The following ROBO1 variants were observed in gnomAD, a reference collection of about 807,000 sequenced individuals.
ROBO1 encodes roundabout homolog 1.
ROBO1 carries 149 observed loss-of-function variants against 195.9 expected under a neutral mutation model. The ratio of observed to expected loss-of-function variants is 0.76; its 90% CI spans 0.67 to 0.87. The LOEUF (loss-of-function observed/expected upper bound fraction) is 0.87. ROBO1 is among the 40% of genes least tolerant of loss of function. ROBO1 has a pLI of 0.00. For synonymous variants in ROBO1, 816 were observed against 733.2 expected (o/e 1.11, Z -1.82); for missense variants, 1,933 against 2,068.3 (o/e 0.93, Z 1.27).
intron 3 of ROBO1, among the ~76,000 whole-genome samples, chr3:79,072,792 C>T (rs1247918713): frequency 1.3e-5 from 2 of 151,836 alleles, no homozygotes; most frequent in East Asian, 1.9e-4. Flanking sequence ...TTATATTGCT[C>T]ATCTTGTATT....
intron 4 of ROBO1, among the ~76,000 whole-genome samples, chr3:78,904,889 T>A (rs2037810773): frequency 6.6e-6 from 1 of 151,986 alleles, no homozygotes. Flanking sequence ...CAGTTCATTT[T>A]CTCAATTGTT....
In ROBO1 at chr3:79,125,506, C is replaced by T. The variant is rs781501841; in HGVS notation, c.122G>A (p.Gly41Glu). 6.2e-7 allele frequency: 1 copy of T among 1,613,626 alleles called. No individual in the cohort carries two copies. The highest frequency in any genetic ancestry group is 8.5e-7 in the Non-Finnish European group (1 of 1,179,752). The change falls in exon 3 of 31, where the codon GGG (glycine) becomes GAG (glutamate). Residue 41 changes from glycine (G) to glutamate (E), a missense_variant. Around this residue, in one of 3 missense-constraint regions of ROBO1, gnomAD observed 185 missense variants for 159.5 expected, o/e 1.16. Coordinates refer to ENST00000464233, the MANE Select transcript of ROBO1 (RefSeq NM_002941.4). ...PEDVERGNDH[G>E]TPIPTSDNDD... is the part of the protein sequence containing the mutation. ...GTTATCAGAGGTGGGGATTGGCGTC[C>T]CGTGGTCGTTCCCCCTCTCTACATC...
At chr3:78,749,838 T>C (rs890342309) in intron 4 of ROBO1, among the ~76,000 whole-genome samples, 1 of 152,194 alleles carries the variant, frequency 6.6e-6, no homozygotes, top group African/African-American at 2.4e-5. Flanking sequence ...AACCAAAGTA[T>C]ATATACTTTT....
chr3:79,044,610 A>G (rs1439323755), intron 3 of ROBO1, among the ~76,000 whole-genome samples: 2 of 152,172 alleles, frequency 1.3e-5, no homozygotes, highest in Admixed American at 1.3e-4. Flanking sequence ...GGGGCCTTAC[A>G]TTATTGCCTT....
intron 2 of ROBO1, among the ~76,000 whole-genome samples, chr3:79,480,897 G>C (rs2107377550): frequency 6.6e-6 from 1 of 152,188 alleles, no homozygotes; most frequent in African/African-American, 2.4e-5. Context: ...CTATACACAT[G>C]CTATTCTAGG....
At chr3:79,320,359 C>T (rs373847137) in intron 2 of ROBO1, among the ~76,000 whole-genome samples, 46 of 152,274 alleles carry the variant, frequency 3.0e-4, no homozygotes, top group Admixed American at 4.6e-4. Context: ...TTCAGGGTCT[C>T]ATTCTGTCAC....
At chr3:79,008,888 C>CGTGTGTGTGTGTGTGTGTGTGTGT (rs375134341) in intron 3 of ROBO1, among the ~76,000 whole-genome samples, 2 of 121,230 alleles carry the variant, frequency 1.6e-5, no homozygotes, top group African/African-American at 6.4e-5. Flanking sequence ...TGCACCCAGC[C>CGTGTGTGTGTGTGTGTGTGTGTGT]GTGTGTGTGT....
At chr3:78,719,372 G>A (rs2108090865) in intron 5 of ROBO1, among the ~76,000 whole-genome samples, 1 of 151,946 alleles carries the variant, frequency 6.6e-6, no homozygotes, top group African/African-American at 2.4e-5. Context: ...TTTTCAAATA[G>A]AGAAATATAA....
Position 79,511,773 on chromosome 3 carries a change from A to G in ROBO1, c.88+78051T>C, listed in dbSNP as rs143712621. Among the ~76,000 whole-genome samples the G allele has an allele frequency of 9.1e-3, 1,390 of 152,192 alleles. 17 individuals carry two copies. Among genetic ancestry groups the G allele is most frequent in the African/African-American group, 0.031 (1,297 of 41,532 alleles). On this transcript the variant is annotated intron_variant, in intron 2 of 30. Coordinates refer to ENST00000464233, the MANE Select transcript of ROBO1 (RefSeq NM_002941.4). ...GAACAAGATCATGTCTTTTTCAGGG[A>G]CATGGATGGAGCTGGAGGCCATTAT... is the stretch of plus-strand genomic sequence containing the variant.
At position 78,946,242 on chromosome 3, in the gene ROBO1, G is replaced by A. The variant is rs2040435908; in HGVS notation, c.173-7315C>T. 1.3e-5 allele frequency among the ~76,000 whole-genome samples: 2 copies of A among 152,142 alleles called. 1 individual carries two copies. The highest frequency in any genetic ancestry group is 4.1e-4 in the South Asian group (2 of 4,832). On this transcript the variant is annotated intron_variant, in intron 3 of 30. Transcript: ENST00000464233. ...TTGTCAGATTCACCAAAGTTGAAAT[G>A]AAGGAAAAAATGTTAAGGGCAGCCA...
At chr3:79,477,216 C>T (rs925723055) in intron 2 of ROBO1, among the ~76,000 whole-genome samples, 27 of 152,214 alleles carry the variant, frequency 1.8e-4, no homozygotes, top group African/African-American at 6.0e-4. Flanking sequence ...ATAGGCATAT[C>T]ATTATTTTTA....
At chr3:78,657,338 T>C in intron 17 of ROBO1, 69 bp from the exon 18 acceptor site, 1 of 1,538,322 alleles carries the variant, frequency 6.5e-7, no homozygotes, top group African/African-American at 1.4e-5. Flanking sequence ...CAACACAGGG[T>C]TGCAGTTTTA....
intron 2 of ROBO1, among the ~76,000 whole-genome samples, chr3:79,537,138 A>G (rs1012837311): frequency 7.0e-6 from 1 of 142,938 alleles, no homozygotes; most frequent in Non-Finnish European, 1.5e-5. Context: ...CAACACTTTT[A>G]TTTCCAAAGA....
intron 2 of ROBO1, among the ~76,000 whole-genome samples, chr3:79,555,293 G>C (rs9883211): frequency 0.15 from 22,444 of 151,968 alleles, 2,136 homozygotes; most frequent in African/African-American, 0.26. Flanking sequence ...TGCTAAGGTT[G>C]GCCATGTTCT....
intron 2 of ROBO1, among the ~76,000 whole-genome samples, chr3:79,410,617 A>AAAGG (rs141093481): frequency 0.015 from 2,172 of 149,542 alleles, 18 homozygotes; most frequent in Non-Finnish European, 0.021. Context: ...GAAAGAAAAG[A>AAAGG]AAGGAAGGAA....
At chr3:78,767,926 T>C (rs192748538) in intron 4 of ROBO1, among the ~76,000 whole-genome samples, 16 of 152,292 alleles carry the variant, frequency 1.1e-4, no homozygotes, top group Admixed American at 2.0e-4. Context: ...TTTTATTTAG[T>C]TCTGCTATAA....
At chr3:78,839,450 C>T (rs1034677062) in intron 4 of ROBO1, among the ~76,000 whole-genome samples, 2 of 150,446 alleles carry the variant, frequency 1.3e-5, no homozygotes, top group Non-Finnish European at 3.0e-5. Context: ...TTTTTCATTA[C>T]TATGAAATTT....
intron 2 of ROBO1, among the ~76,000 whole-genome samples, chr3:79,162,938 C>T (rs766341619): frequency 1.7e-4 from 26 of 152,148 alleles, no homozygotes; most frequent in Non-Finnish European, 3.2e-4. Flanking sequence ...TTGGTAATTC[C>T]GAGCCCTTTT....
chr3:79,755,138 C>T lies in ROBO1; in HGVS notation c.-51+12614G>A, dbSNP rs534090882. 5.3e-5 allele frequency among the ~76,000 whole-genome samples: 8 copies of T among 152,208 alleles called. No individual in the cohort carries two copies. In the East Asian group the frequency reaches 1.5e-3, roughly 29 times the overall value. On this transcript the variant is annotated intron_variant, in intron 1 of 30. Transcript: ENST00000464233. ...CAGGTGATCCATCTGCCTCTGCCTC[C>T]CAAAGTGCTGGGATTACAGGTGTGA... is the stretch of plus-strand genomic sequence containing the variant.
Sources: gnomAD v4.1 joint callset for allele counts (sites outside exome capture counted in the v4.1 genomes callset) on GRCh38, gnomAD v4.1.1 for gene constraint, gnomAD v4.1.1 regional missense constraint, MANE v1.5 for transcripts, NCBI Gene and HGNC (gene_info 2026-07-23, HGNC 2026-07-21) for gene names.